The following FIRRM variants were observed in gnomAD, a reference collection of about 807,000 sequenced individuals.
FIRRM encodes FIGNL1 interacting regulator of recombination and mitosis.
At chr1:169,853,125 C>A in the FIRRM span, 5 of 827,172 alleles carry the variant, frequency 6.0e-6, no homozygotes, top group Non-Finnish European at 9.5e-6. Flanking sequence ...ATTTAGAGAA[C>A]AGGATTGTGG....
At chr1:169,827,836 A>C in the FIRRM span, 1 of 1,613,920 alleles carries the variant, frequency 6.2e-7, no homozygotes, top group Non-Finnish European at 8.5e-7. Context: ...AGAAACGACA[A>C]CCAGGTAGCA....
chr1:169,795,181 C>T, the FIRRM span: 137 of 1,535,982 alleles, frequency 8.9e-5, no homozygotes, highest in Non-Finnish European at 8.5e-5. Flanking sequence ...GCTATGCCGC[C>T]GGGAACTGCC....
At chr1:169,801,017 T>C in the FIRRM span, 5 of 956,902 alleles carry the variant, frequency 5.2e-6, no homozygotes, top group Non-Finnish European at 8.1e-6. Flanking sequence ...GAATCTAGCC[T>C]CAGTCTTAGA....
chr1:169,803,776 C>T, the FIRRM span, among the ~76,000 whole-genome samples: 12 of 152,040 alleles, frequency 7.9e-5, no homozygotes, highest in Admixed American at 3.3e-4. Flanking sequence ...ATTTGTTGGG[C>T]GAATGAAAAT....
chr1:169,809,851 A>G, the FIRRM span, among the ~76,000 whole-genome samples: 14 of 152,202 alleles, frequency 9.2e-5, no homozygotes, highest in Admixed American at 7.2e-4. Context: ...AATCAAAGTA[A>G]AGTATTGAAG....
At chr1:169,837,443 A>G in the FIRRM span, among the ~76,000 whole-genome samples, 1 of 152,230 alleles carries the variant, frequency 6.6e-6, no homozygotes, top group East Asian at 1.9e-4. Context: ...ATTCGACAAA[A>G]TACAACCCCC....
the FIRRM span, among the ~76,000 whole-genome samples, chr1:169,841,376 A>T: frequency 6.6e-6 from 1 of 152,242 alleles, no homozygotes; most frequent in Non-Finnish European, 1.5e-5. Context: ...GGATTTCTGC[A>T]TCTAGAACAT....
chr1:169,817,217 G>C, the FIRRM span, among the ~76,000 whole-genome samples: 1 of 152,118 alleles, frequency 6.6e-6, no homozygotes, highest in Non-Finnish European at 1.5e-5. Flanking sequence ...CTCTTCATGA[G>C]AGTCCTGAAA....
At chr1:169,823,626 T>C in the FIRRM span, among the ~76,000 whole-genome samples, 3 of 152,218 alleles carry the variant, frequency 2.0e-5, no homozygotes, top group African/African-American at 7.2e-5. Flanking sequence ...AGATAGAGGC[T>C]TTTGAAAGAT....
chr1:169,827,821 G>A, the FIRRM span: 1 of 1,613,834 alleles, frequency 6.2e-7, no homozygotes, highest in Non-Finnish European at 8.5e-7. Context: ...AGACAGCCAG[G>A]TCTCAGAAAC....
At chr1:169,789,528 G>A in the FIRRM span, among the ~76,000 whole-genome samples, 1 of 152,194 alleles carries the variant, frequency 6.6e-6, no homozygotes, top group Non-Finnish European at 1.5e-5. Flanking sequence ...TTAGAGGACA[G>A]GCACATCTGA....
At chr1:169,827,168 T>G in the FIRRM span, 1 of 1,613,374 alleles carries the variant, frequency 6.2e-7, no homozygotes, top group African/African-American at 1.3e-5. Context: ...CATTTCAGCC[T>G]TTCATGCAGG....
chr1:169,805,180 CTATT>C, the FIRRM span, among the ~76,000 whole-genome samples: 1 of 152,198 alleles, frequency 6.6e-6, no homozygotes, highest in African/African-American at 2.4e-5. Context: ...ACCTCAAAAT[CTATT>C]TATTCACTAT....
the FIRRM span, chr1:169,853,067 A>AAAC: frequency 7.1e-7 from 1 of 1,411,414 alleles, no homozygotes; most frequent in Non-Finnish European, 9.8e-7. Context: ...AACAGATATA[A>AAAC]AACAAATTTT....
the FIRRM span, chr1:169,827,866 A>G: frequency 2.5e-6 from 4 of 1,610,884 alleles, no homozygotes; most frequent in Non-Finnish European, 3.4e-6. Flanking sequence ...TTATCCAGTC[A>G]TATTACCAAT....
chr1:169,786,395 C>A, the FIRRM span, among the ~76,000 whole-genome samples: 1 of 152,032 alleles, frequency 6.6e-6, no homozygotes, highest in African/African-American at 2.4e-5. Flanking sequence ...GGAAGAAAAG[C>A]AAATCATTAA....
chr1:169,784,596 C>A, the FIRRM span, among the ~76,000 whole-genome samples: 2 of 152,150 alleles, frequency 1.3e-5, no homozygotes, highest in Non-Finnish European at 2.9e-5. Context: ...TCTGAGAAGG[C>A]TTGAGTCCAA....
At chr1:169,849,407 C>CT in the FIRRM span, 2 of 897,090 alleles carry the variant, frequency 2.2e-6, no homozygotes, top group Non-Finnish European at 3.5e-6. Flanking sequence ...ATTATGTTAA[C>CT]TTGACAACAC....
the FIRRM span, chr1:169,852,745 A>G: frequency 1.3e-6 from 2 of 1,582,620 alleles, no homozygotes; most frequent in Non-Finnish European, 1.7e-6. Flanking sequence ...AAGGTTCTTT[A>G]TATTTAGAAT....
Sources: allele counts gnomAD v4.1 joint callset (sites outside exome capture counted in the v4.1 genomes callset), GRCh38; gene constraint gnomAD v4.1.1; transcripts MANE v1.5; gene names NCBI Gene and HGNC (gene_info 2026-07-23, HGNC 2026-07-21).